Variants in PTPRD observed in about 807,000 individuals in gnomAD.
PTPRD encodes the protein protein tyrosine phosphatase receptor type D, also known as receptor-type tyrosine-protein phosphatase delta.
PTPRD carries 34 observed loss-of-function variants against 214.5 expected under a neutral mutation model. That is an observed-to-expected ratio of 0.16 (90% CI 0.12 to 0.21). The LOEUF (loss-of-function observed/expected upper bound fraction) is 0.21, where lower values mean the gene tolerates loss of function less well. Among genes scored for constraint, PTPRD ranks in the 10% least tolerant of loss-of-function variants. The pLI is 1.00. For synonymous variants in PTPRD, 1,128 were observed against 845.7 expected (o/e 1.33, Z -5.79); for missense variants, 2,545 against 2,398.7 (o/e 1.06, Z -1.27).
At chr9:10,040,060 G>A (rs749107430) in intron 3 of PTPRD, among the ~76,000 whole-genome samples, 1 of 152,058 alleles carries the variant, frequency 6.6e-6, no homozygotes, top group Non-Finnish European at 1.5e-5. Context: ...GCTGCAAAGT[G>A]AGGATAGGAC....
intron 8 of PTPRD, among the ~76,000 whole-genome samples, chr9:9,509,789 A>T (rs1440782977): frequency 7.7e-6 from 1 of 129,232 alleles, no homozygotes; most frequent in South Asian, 2.9e-4. Context: ...GTTTATTGAA[A>T]CTACCTTTTT....
chr9:9,991,003 C>G (rs897159251), intron 4 of PTPRD, among the ~76,000 whole-genome samples: 2 of 149,552 alleles, frequency 1.3e-5, no homozygotes, highest in Non-Finnish European at 3.0e-5. Context: ...GGCGTGATCT[C>G]GGCTCACAAC....
At chr9:9,845,092 C>CTA (rs1355730415) in intron 5 of PTPRD, among the ~76,000 whole-genome samples, 4 of 98,892 alleles carry the variant, frequency 4.0e-5, no homozygotes, top group East Asian at 9.4e-4. Flanking sequence ...ATATATATAG[C>CTA]TATATATATA....
chr9:8,902,526 G>C (rs2098678322), intron 11 of PTPRD, among the ~76,000 whole-genome samples: 1 of 151,730 alleles, frequency 6.6e-6, no homozygotes, highest in African/African-American at 2.4e-5. Context: ...TGTATTTTTA[G>C]TAGAGACAGG....
chr9:8,556,028 G>T (rs1363427464), intron 14 of PTPRD, among the ~76,000 whole-genome samples: 1 of 152,186 alleles, frequency 6.6e-6, no homozygotes, highest in African/African-American at 2.4e-5. Context: ...GATCTGGAAA[G>T]AGCATGCTAC....
chr9:8,549,806 T>G (rs2081456813), intron 14 of PTPRD, among the ~76,000 whole-genome samples: 1 of 152,164 alleles, frequency 6.6e-6, no homozygotes, highest in South Asian at 2.1e-4. Context: ...ATTGAGCCAA[T>G]TTTTTAAAAA....
At chr9:9,243,767 A>G (rs1167227643) in intron 9 of PTPRD, among the ~76,000 whole-genome samples, 3 of 152,158 alleles carry the variant, frequency 2.0e-5, no homozygotes, top group Non-Finnish European at 2.9e-5. Context: ...CCTATTCAAC[A>G]TAGTGTTGGA....
intron 44 of PTPRD, among the ~76,000 whole-genome samples, chr9:8,329,999 C>G (rs1838272071): frequency 6.6e-6 from 1 of 151,430 alleles, no homozygotes; most frequent in African/African-American, 2.4e-5. Flanking sequence ...GTGGGACACA[C>G]CAAGCCAGGC....
chr9:10,123,922 T>C (rs916670176), intron 3 of PTPRD, among the ~76,000 whole-genome samples: 6 of 152,200 alleles, frequency 3.9e-5, no homozygotes, highest in Non-Finnish European at 1.5e-5. Context: ...CTTAATGATA[T>C]TGATATTCAT....
At chr9:8,365,346 C>T (rs539925202) in intron 39 of PTPRD, among the ~76,000 whole-genome samples, 2 of 152,226 alleles carry the variant, frequency 1.3e-5, no homozygotes, top group South Asian at 4.2e-4. Context: ...GAGTTAAGAG[C>T]ACAAGTTTCT....
intron 4 of PTPRD, among the ~76,000 whole-genome samples, chr9:9,941,292 C>G (rs561324092): frequency 1.3e-5 from 2 of 152,238 alleles, no homozygotes; most frequent in Admixed American, 1.3e-4. Flanking sequence ...CAGCCAGGTT[C>G]TTAATATTCA....
intron 11 of PTPRD, among the ~76,000 whole-genome samples, chr9:8,955,639 T>TA (rs2099127533): frequency 6.6e-6 from 1 of 151,778 alleles, no homozygotes; most frequent in Non-Finnish European, 1.5e-5. Flanking sequence ...ATTTTTTTAT[T>TA]ATTATCTTCC....
Position 10,522,482 on chromosome 9 carries a change from T to C in PTPRD, c.-600+89916A>G, listed in dbSNP as rs1313313240. On this transcript the variant is annotated intron_variant, in intron 2 of 45. Transcript: ENST00000381196. ...GTGTAATTTCCAAAAGCTTGAACTT[T>C]CTAAAGGAATAAACAAACCTGATTA... Among the ~76,000 whole-genome samples, 4 of 152,164 alleles carry C rather than the reference T, an allele frequency of 2.6e-5. No homozygotes were observed. The East Asian group carries it at 7.7e-4, about 29-fold the overall frequency.
intron 3 of PTPRD, among the ~76,000 whole-genome samples, chr9:10,316,070 AAT>A (rs953039768): frequency 5.4e-5 from 8 of 148,568 alleles, no homozygotes; most frequent in Admixed American, 6.8e-5. Flanking sequence ...ATGGTGTTGT[AAT>A]ATATATATAT....
intron 43 of PTPRD, among the ~76,000 whole-genome samples, chr9:8,334,304 C>T (rs531061162): frequency 2.4e-4 from 36 of 150,516 alleles, no homozygotes; most frequent in African/African-American, 7.8e-4. Context: ...TCAGCAAATG[C>T]AAAAGAAAGA....
At chr9:9,822,912 C>A (rs2051292020) in intron 5 of PTPRD, among the ~76,000 whole-genome samples, 1 of 152,078 alleles carries the variant, frequency 6.6e-6, no homozygotes, top group East Asian at 1.9e-4. Flanking sequence ...AATGGTACGT[C>A]CACAGAAAAG....
intron 11 of PTPRD, among the ~76,000 whole-genome samples, chr9:8,973,416 T>C (rs1589137106): frequency 6.6e-6 from 1 of 152,212 alleles, no homozygotes; most frequent in Admixed American, 6.6e-5. Context: ...TATGGCTGCG[T>C]AGTATTCCAC....
Position 9,725,653 on chromosome 9 carries a change from T to C in PTPRD, c.-287+8880A>G, listed in dbSNP as rs558037356. The stretch of plus-strand genomic sequence containing the variant: ...ATTTCATTTCCAGATTGACATTATT[T>C]GTAATTATTCAACTACATGTTTGTA... On this transcript the variant is annotated intron_variant, in intron 7 of 45. Transcript: ENST00000381196. Among the ~76,000 whole-genome samples the C allele has an allele frequency of 3.9e-5, 6 of 152,338 alleles. No individual in the cohort carries two copies. In the East Asian group the frequency reaches 7.7e-4, roughly 20 times the overall value.
At chr9:8,717,727 A>G (rs1337091399) in intron 12 of PTPRD, among the ~76,000 whole-genome samples, 1 of 152,166 alleles carries the variant, frequency 6.6e-6, no homozygotes, top group Non-Finnish European at 1.5e-5. Context: ...ACATGTCTAC[A>G]TTCTATTCCA....
Sources: allele counts gnomAD v4.1 joint callset (sites outside exome capture counted in the v4.1 genomes callset), GRCh38; gene constraint gnomAD v4.1.1; transcripts MANE v1.5; gene names NCBI Gene and HGNC (gene_info 2026-07-23, HGNC 2026-07-21).